FAF1: variants seen among roughly 807,000 people sequenced by gnomAD.
The protein encoded by FAF1 is FAS-associated factor 1.
In FAF1, 25 loss-of-function variants were observed where a neutral mutation model predicts 92.5. That is an observed-to-expected ratio of 0.27 (90% CI 0.20 to 0.38). The LOEUF is 0.38. FAF1 is among the 10% of genes least tolerant of loss of function. The pLI, the probability that FAF1 is intolerant of heterozygous loss-of-function variation, is 1.00. For synonymous variants in FAF1, 234 were observed against 273.2 expected, an observed-to-expected ratio of 0.86 and a Z score of 1.42; for missense variants, 636 against 793.3, an observed-to-expected ratio of 0.80 and a Z score of 2.38.
At chr1:50,747,060 C>T (rs758365680) in intron 4 of FAF1, among the ~76,000 whole-genome samples, 2 of 152,198 alleles carry the variant, frequency 1.3e-5, no homozygotes, top group African/African-American at 2.4e-5. Flanking sequence ...GATGTCCAGG[C>T]AGAAGCCCTC....
At chr1:50,585,300 A>C (rs906959244) in intron 9 of FAF1, among the ~76,000 whole-genome samples, 3 of 152,208 alleles carry the variant, frequency 2.0e-5, no homozygotes, top group African/African-American at 7.2e-5. Flanking sequence ...ATTGTTATGG[A>C]TAACATGAAA....
At chr1:50,724,296 T>TACACACACACACACATAC (rs1658545225) in intron 6 of FAF1, among the ~76,000 whole-genome samples, 4 of 117,218 alleles carry the variant, frequency 3.4e-5, no homozygotes, top group African/African-American at 1.3e-4. Flanking sequence ...CACACACACA[T>TACACACACACACACATAC]ACACACACAC....
At chr1:50,906,264 C>A (rs1421834644) in intron 1 of FAF1, among the ~76,000 whole-genome samples, 1 of 152,106 alleles carries the variant, frequency 6.6e-6, no homozygotes, top group Non-Finnish European at 1.5e-5. Flanking sequence ...CAGTACCATG[C>A]TGTTTTGGTT....
chr1:50,843,328 T>C (rs970699504), intron 2 of FAF1, among the ~76,000 whole-genome samples: 11 of 152,202 alleles, frequency 7.2e-5, no homozygotes, highest in African/African-American at 7.2e-5. Context: ...AAGCATACAA[T>C]GTACAATGAT....
chr1:50,543,861 C>T (rs1648874176), intron 13 of FAF1, among the ~76,000 whole-genome samples: 1 of 151,808 alleles, frequency 6.6e-6, no homozygotes, highest in Non-Finnish European at 1.5e-5. Context: ...AAATTTTAAA[C>T]ATTTACAACT....
intron 2 of FAF1, among the ~76,000 whole-genome samples, chr1:50,822,607 G>C (rs1324092889): frequency 6.6e-6 from 1 of 152,106 alleles, no homozygotes; most frequent in Non-Finnish European, 1.5e-5. Flanking sequence ...TCTGCTCACT[G>C]TATAACTGCC....
intron 15 of FAF1, among the ~76,000 whole-genome samples, chr1:50,516,551 A>T (rs1647228760): frequency 6.6e-6 from 1 of 152,206 alleles, no homozygotes; most frequent in South Asian, 2.1e-4. Flanking sequence ...GGTTAAAGAG[A>T]TAGCACATGA....
chr1:50,783,118 T>C (rs939013680), intron 4 of FAF1, among the ~76,000 whole-genome samples: 9 of 151,996 alleles, frequency 5.9e-5, no homozygotes, highest in African/African-American at 2.2e-4. Flanking sequence ...ATAGAAGAAA[T>C]GGATAAATTC....
intron 13 of FAF1, among the ~76,000 whole-genome samples, chr1:50,542,065 C>T (rs1648783433): frequency 1.3e-5 from 2 of 152,088 alleles, no homozygotes; most frequent in African/African-American, 2.4e-5. Context: ...ATTGGAAAAT[C>T]ACTCTAATTT....
At chr1:50,746,005 G>A (rs966317821) in intron 4 of FAF1, among the ~76,000 whole-genome samples, 1 of 151,882 alleles carries the variant, frequency 6.6e-6, no homozygotes, top group Non-Finnish European at 1.5e-5. Flanking sequence ...GCTGAGGAGA[G>A]CTCAGATGGA....
intron 4 of FAF1, among the ~76,000 whole-genome samples, chr1:50,764,294 G>A (rs563329435): frequency 1.3e-5 from 2 of 152,160 alleles, no homozygotes; most frequent in East Asian, 3.9e-4. Context: ...TTTTTCCTCT[G>A]GTGGGAAGGA....
chr1:50,905,438 T>C (rs1644829495), intron 1 of FAF1, among the ~76,000 whole-genome samples: 1 of 152,228 alleles, frequency 6.6e-6, no homozygotes, highest in African/African-American at 2.4e-5. Context: ...TTTCTAGTTC[T>C]AGATCCTTGA....
chr1:50,637,681 A>ATATATGTGTGTGTGTG (rs1553123409), intron 8 of FAF1, among the ~76,000 whole-genome samples: 1 of 137,098 alleles, frequency 7.3e-6, no homozygotes, highest in Non-Finnish European at 1.6e-5. Flanking sequence ...ACATATATAT[A>ATATATGTGTGTGTGTG]TGTGTGTGTG....
At chr1:50,910,244 G>C (rs539972322) in intron 1 of FAF1, among the ~76,000 whole-genome samples, 2 of 152,300 alleles carry the variant, frequency 1.3e-5, no homozygotes, top group South Asian at 4.1e-4. Context: ...TCCTCTGGAA[G>C]CTTTGTCTCA....
chr1:50,654,573 G>A (rs1655017680), intron 8 of FAF1, among the ~76,000 whole-genome samples: 1 of 152,118 alleles, frequency 6.6e-6, no homozygotes, highest in Non-Finnish European at 1.5e-5. Flanking sequence ...GGGTAAAAAT[G>A]ACAGACATTT....
intron 2 of FAF1, among the ~76,000 whole-genome samples, chr1:50,853,503 TAG>T (rs1396966027): frequency 1.3e-5 from 2 of 152,100 alleles, no homozygotes; most frequent in Non-Finnish European, 2.9e-5. Flanking sequence ...GCACTCTGAA[TAG>T]AGTCTTTCTT....
At chr1:50,576,633 G>GCCCCCCCCCCCGC (rs59182122) in intron 12 of FAF1, among the ~76,000 whole-genome samples, 1 of 131,846 alleles carries the variant, frequency 7.6e-6, no homozygotes, top group East Asian at 2.5e-4. Flanking sequence ...TCTCCGCACC[G>GCCCCCCCCCCCGC]CCCCCCCCCC....
chr1:50,567,026 ATT>A (rs548663833), intron 13 of FAF1, 49 bp downstream of exon 13: 1 of 1,252,518 alleles, frequency 8.0e-7, no homozygotes, highest in South Asian at 1.8e-5. Flanking sequence ...AAACACAATG[ATT>A]TTTTTTTTAA....
chr1:50,919,712 C>T (rs778148480), intron 1 of FAF1, among the ~76,000 whole-genome samples: 1 of 152,144 alleles, frequency 6.6e-6, no homozygotes, highest in Admixed American at 6.5e-5. Context: ...TGGTCTCGAA[C>T]TCCTGACCTC....
Sources: allele counts gnomAD v4.1 joint callset (sites outside exome capture counted in the v4.1 genomes callset), GRCh38; gene constraint gnomAD v4.1.1; transcripts MANE v1.5; gene names NCBI Gene and HGNC (gene_info 2026-07-23, HGNC 2026-07-21).